BAHD1: variants seen among roughly 807,000 people sequenced by gnomAD.
The protein encoded by BAHD1 is bromo adjacent homology domain containing 1, also known as bromo adjacent homology domain-containing 1 protein.
In BAHD1, 20 loss-of-function variants were observed where a neutral mutation model predicts 63.1. The observed-to-expected ratio is 0.32, with a 90% confidence interval of 0.22 to 0.46. BAHD1 has a LOEUF of 0.46. Ranked by LOEUF, BAHD1 falls within the 20% of genes least tolerant of loss-of-function variation. BAHD1 has a pLI of 1.00. For missense variants in BAHD1, 939 were observed against 1,071.8 expected (o/e 0.88, Z 1.73); for synonymous variants, 408 against 426.8 (o/e 0.96, Z 0.54).
rs763496269 is a variant in BAHD1 at position 40,462,219 on chromosome 15, TCGC to T, written c.1749_1751del (p.Arg587del). ...AGCCACGTGTCCAGCGCCCACGCCC[TCGC>T]CGCCGCCGTCGCCGCCGCACTAATG... On this transcript the variant is annotated inframe_deletion, in exon 3 of 7. Coordinates refer to ENST00000416165, the MANE Select transcript of BAHD1 (RefSeq NM_014952.5). 4 of 1,611,458 alleles carry T rather than the reference TCGC, an allele frequency of 2.5e-6. No homozygotes were observed. Among genetic ancestry groups the T allele is most frequent in the Non-Finnish European group, 2.5e-6 (3 of 1,179,172 alleles).
chr15:40,464,582 G>C, intron 5 of BAHD1, 35 bp downstream of exon 5: 3 of 1,572,340 alleles, frequency 1.9e-6, no homozygotes, highest in Non-Finnish European at 2.6e-6. Context: ...GGGAGGGCAG[G>C]AGAGACAGAG....
chr15:40,459,953 G>T, intron 2 of BAHD1, 57 bp downstream of exon 2: 1 of 1,509,152 alleles, frequency 6.6e-7, no homozygotes, highest in South Asian at 1.3e-5. Flanking sequence ...GGCATCCCAG[G>T]AGGTTGGGCT....
In BAHD1 at chr15:40,459,466, G is replaced by A. The variant is rs1370649274; in HGVS notation, c.1002G>A (p.Glu334=). The change falls in exon 2 of 7, where the codon GAG becomes GAA. Residue 334 remains glutamate, a synonymous_variant. Transcript: ENST00000416165. Reference sequence around the variant, plus strand: ...CGGAGCCTGGGCGCCCAGGCGAGGAGTCACCTGCCCCTAAGCAGGAACTGC... The same window carrying A: ...CGGAGCCTGGGCGCCCAGGCGAGGAATCACCTGCCCCTAAGCAGGAACTGC... ...LKPEPGRPGE[E]SPAPKQELHQ... 1 of 1,613,724 alleles carries A rather than the reference G, an allele frequency of 6.2e-7. No homozygotes were observed.
intron 1 of BAHD1, chr15:40,453,914 C>G (rs1893777431): frequency 6.6e-6 from 1 of 152,062 alleles, no homozygotes; most frequent in East Asian, 1.9e-4. Flanking sequence ...TCGAGGCTAC[C>G]ATGATCCATG....
chr15:40,462,213 A>ACGCCCTCGCCGC lies in BAHD1; in HGVS notation c.1739_1750dup (p.Pro580_Arg583dup). The ACGCCCTCGCCGC allele has an allele frequency of 1.2e-6, 2 of 1,611,788 alleles. No homozygotes were observed. Among genetic ancestry groups the ACGCCCTCGCCGC allele is most frequent in the South Asian group, 2.2e-5 (2 of 91,002 alleles). On this transcript the variant is annotated inframe_insertion, in exon 3 of 7. Transcript: ENST00000416165. ...CCAAGCAGCCACGTGTCCAGCGCCC[A>ACGCCCTCGCCGC]CGCCCTCGCCGCCGCCGTCGCCGCC...
upstream of BAHD1, among the ~76,000 whole-genome samples, chr15:40,437,801 T>C (rs1307223765): frequency 7.2e-5 from 11 of 152,036 alleles, no homozygotes; most frequent in Non-Finnish European, 1.6e-4. Flanking sequence ...CAGCGGGCAG[T>C]GGCGGGGAGG....
chr15:40,439,613 C>G (rs1378587276), upstream of BAHD1: 2 of 152,486 alleles, frequency 1.3e-5, no homozygotes, highest in Non-Finnish European at 2.9e-5. Context: ...TGCTCCAGCG[C>G]TCTGGTGACT....
rs1893384032 is a variant in BAHD1, at chr15:40,441,069, G to A, written c.-214G>A. ...CCCCGCCGTCCGCCCGCCCCGGCCAGGCGCGCCCGCCCCCCCCGACGGCCC... is the reference window on the plus strand; with the variant it reads ...CCCCGCCGTCCGCCCGCCCCGGCCAAGCGCGCCCGCCCCCCCCGACGGCCC... On this transcript the variant is annotated 5_prime_UTR_variant, in exon 1 of 7. Coordinates refer to ENST00000416165, the MANE Select transcript of BAHD1 (RefSeq NM_014952.5). The A allele has an allele frequency of 6.9e-6, 1 of 145,458 alleles. No homozygotes were observed. The highest frequency in any genetic ancestry group is 1.5e-5 in the Non-Finnish European group (1 of 65,448). The allele number at this position is 145,458 out of a possible 1,614,324, so 9.0% of individuals were successfully genotyped here. A position where few individuals can be genotyped will look rare whatever the true frequency, so the allele number is the denominator to read the frequency against.
chr15:40,446,020 G>A (rs1893531501), intron 1 of BAHD1, among the ~76,000 whole-genome samples: 1 of 152,192 alleles, frequency 6.6e-6, no homozygotes, highest in African/African-American at 2.4e-5. Context: ...TAGAGATAGA[G>A]GCTCCTGATC....
chr15:40,468,195 G>C lies in BAHD1; in HGVS notation c.*2065G>C, dbSNP rs1894269407. ...ACAGAGATTAGAAGTACTTCTTTAA[G>C]AAAAAAATAAATTTGAGAAATTGTA... On this transcript the variant is annotated 3_prime_UTR_variant, in exon 7 of 7. Transcript: ENST00000416165. 6.6e-6 allele frequency: 1 copy of C among 152,506 alleles called. No individual in the cohort carries two copies. Among genetic ancestry groups the C allele is most frequent in the Admixed American group, 6.5e-5 (1 of 15,280 alleles). 9.4% of individuals were successfully genotyped at this position (152,506 alleles called of 1,614,324 possible). A position where few individuals can be genotyped will look rare whatever the true frequency, so the allele number is the denominator to read the frequency against.
At chr15:40,452,971 A>G (rs766741865) in intron 1 of BAHD1, among the ~76,000 whole-genome samples, 1 of 152,156 alleles carries the variant, frequency 6.6e-6, no homozygotes, top group Non-Finnish European at 1.5e-5. Context: ...ATAGTGGCAG[A>G]GCAAAGTTCA....
At chr15:40,461,838 G>T (rs1894051202) in intron 2 of BAHD1, 74 bp from the exon 3 acceptor site, 4 of 1,503,594 alleles carry the variant, frequency 2.7e-6, no homozygotes, top group Non-Finnish European at 3.6e-6. Context: ...ATTAAGACAG[G>T]AGCAGGCTCT....
chr15:40,465,446 C>A lies in BAHD1; in HGVS notation c.2153+11C>A, dbSNP rs564390991. The A allele has an allele frequency of 1.2e-6, 2 of 1,604,176 alleles. No individual in the cohort carries two copies. Among genetic ancestry groups the A allele is most frequent in the Non-Finnish European group, 1.7e-6 (2 of 1,171,038 alleles). On this transcript the variant is annotated intron_variant, in intron 6 of 6. Transcript: ENST00000416165. Reference sequence around the variant, plus strand: ...TGCCGAGTACTGCAGGTAGGTGGTTCCCTGCACCCTCTGGCTGGCCTCTTC... The same window carrying A: ...TGCCGAGTACTGCAGGTAGGTGGTTACCTGCACCCTCTGGCTGGCCTCTTC...
At chr15:40,444,383 G>T (rs1176843548) in intron 1 of BAHD1, among the ~76,000 whole-genome samples, 1 of 152,120 alleles carries the variant, frequency 6.6e-6, no homozygotes, top group Non-Finnish European at 1.5e-5. Context: ...GAGTCCTATG[G>T]ATTGCTTATG....
In BAHD1 at chr15:40,445,531, A is replaced by C. The variant is rs182304833; in HGVS notation, c.-15+4263A>C. Among the ~76,000 whole-genome samples the C allele has an allele frequency of 5.9e-5, 9 of 152,254 alleles. No individual in the cohort carries two copies. In the East Asian group the frequency reaches 1.7e-3, roughly 29 times the overall value. Reference sequence around the variant, plus strand: ...TGCTCCGGCAACATCTGGCCTCAGCACCCTGTCGCAAGGTGAGTCATTAAG... The same window carrying C: ...TGCTCCGGCAACATCTGGCCTCAGCCCCCTGTCGCAAGGTGAGTCATTAAG... On this transcript the variant is annotated intron_variant, in intron 1 of 6. Transcript: ENST00000416165.
At chr15:40,465,916 G>GA in intron 6 of BAHD1, 25 bp from the exon 7 acceptor site, 8 of 1,542,630 alleles carry the variant, frequency 5.2e-6, no homozygotes, top group Non-Finnish European at 7.0e-6. Flanking sequence ...CTGGAGTAAA[G>GA]ACAGTGAATG....
intron 1 of BAHD1, among the ~76,000 whole-genome samples, chr15:40,450,110 A>G (rs1893659625): frequency 6.6e-6 from 1 of 152,220 alleles, no homozygotes. Context: ...TTTACTGTTA[A>G]GGAAGGCAGA....
At chr15:40,450,311 G>T (rs1232623891) in intron 1 of BAHD1, among the ~76,000 whole-genome samples, 8 of 152,230 alleles carry the variant, frequency 5.3e-5, no homozygotes, top group Non-Finnish European at 1.0e-4. Flanking sequence ...CATTCAGGAG[G>T]TTAGTGCTCT....
Position 40,458,759 on chromosome 15 carries a change from C to G in BAHD1, c.295C>G (p.Pro99Ala). The G allele has an allele frequency of 6.2e-7, 1 of 1,613,186 alleles. No homozygotes were observed. Among genetic ancestry groups the G allele is most frequent in the Non-Finnish European group, 8.5e-7 (1 of 1,179,998 alleles). ...TGAGCTACCGCCTGACCTGCCCAAG[C>G]CCCCCAGCCCGGCCCCATCCAGTGA... ...ADELPPDLPK[P>A]PSPAPSSEDP... The change falls in exon 2 of 7, where the codon CCC (proline) becomes GCC (alanine). Residue 99 changes from proline (P) to alanine (A), a missense_variant. Around this residue, in one of 5 missense-constraint regions of BAHD1, gnomAD observed 797 missense variants for 813.3 expected, o/e 0.98. Coordinates refer to ENST00000416165, the MANE Select transcript of BAHD1 (RefSeq NM_014952.5). This position sits in a 1 kb window ranked among gnomAD's most constrained non-coding sequence, Gnocchi z 4.7.
Sources: gnomAD v4.1 joint callset for allele counts (sites outside exome capture counted in the v4.1 genomes callset) on GRCh38, gnomAD v4.1.1 for gene constraint, gnomAD v4.1.1 regional missense constraint, Gnocchi (gnomAD v3.1) non-coding constraint, MANE v1.5 for transcripts, NCBI Gene and HGNC (gene_info 2026-07-23, HGNC 2026-07-21) for gene names.